CHST11: variants seen among roughly 807,000 people sequenced by gnomAD.
CHST11 encodes the protein carbohydrate sulfotransferase 11, also known as C4S-1.
A neutral mutation model predicts 30.4 loss-of-function variants in CHST11; 9 were observed. The observed-to-expected ratio is 0.30, with a 90% CI of 0.18 to 0.52. The LOEUF (loss-of-function observed/expected upper bound fraction) is 0.52. CHST11 is among the 20% of genes least tolerant of loss of function. The pLI is 0.97. For missense variants in CHST11, 348 were observed against 460.6 expected (o/e 0.76, Z 2.24); for synonymous variants, 152 against 187.8 (o/e 0.81, Z 1.56).
intron 1 of CHST11, among the ~76,000 whole-genome samples, chr12:104,570,747 G>A (rs1480161399): frequency 6.7e-6 from 1 of 150,264 alleles, no homozygotes; most frequent in Admixed American, 6.7e-5. Context: ...CTAGAGTGCA[G>A]TGGCGTGATC....
At chr12:104,632,266 C>T (rs1457231464) in intron 2 of CHST11, among the ~76,000 whole-genome samples, 13 of 151,866 alleles carry the variant, frequency 8.6e-5, no homozygotes, top group Non-Finnish European at 1.5e-4. Flanking sequence ...AAGAGCACAG[C>T]GCAAGCAGAG....
At chr12:104,686,428 TG>T (rs1457494260) in intron 2 of CHST11, among the ~76,000 whole-genome samples, 1 of 152,034 alleles carries the variant, frequency 6.6e-6, no homozygotes, top group Non-Finnish European at 1.5e-5. Context: ...ACTAGAAAGT[TG>T]GTTGATGATT....
At chr12:104,501,478 A>G (rs2037853508) in intron 1 of CHST11, among the ~76,000 whole-genome samples, 1 of 152,224 alleles carries the variant, frequency 6.6e-6, no homozygotes, top group Non-Finnish European at 1.5e-5. Context: ...AATGTGGCCT[A>G]GCATTTGGTG....
At chr12:104,488,723 ATGTGTGTATGTGTACGCG>A (rs1197516983) in intron 1 of CHST11, among the ~76,000 whole-genome samples, 5 of 128,954 alleles carry the variant, frequency 3.9e-5, no homozygotes, top group African/African-American at 1.5e-4. Context: ...GTGTGCGTGT[ATGTGTGTATGTGTACGCG>A]TGTGTGTGTG....
chr12:104,529,996 A>G (rs960853745), intron 1 of CHST11, among the ~76,000 whole-genome samples: 3 of 152,160 alleles, frequency 2.0e-5, no homozygotes, highest in African/African-American at 7.2e-5. Flanking sequence ...CATCTCTACT[A>G]AAAATACAAA....
chr12:104,493,897 C>T (rs1323450284), intron 1 of CHST11, among the ~76,000 whole-genome samples: 1 of 152,200 alleles, frequency 6.6e-6, no homozygotes, highest in Non-Finnish European at 1.5e-5. Context: ...CATCTTGGCT[C>T]ACTGCAGCCT....
chr12:104,475,261 A>G (rs1431372256), intron 1 of CHST11, among the ~76,000 whole-genome samples: 1 of 152,190 alleles, frequency 6.6e-6, no homozygotes. Context: ...AATAAGACTT[A>G]GTTCCTGCCT....
chr12:104,586,372 G>T (rs908419836), intron 1 of CHST11, among the ~76,000 whole-genome samples: 2 of 152,244 alleles, frequency 1.3e-5, no homozygotes, highest in Non-Finnish European at 2.9e-5. Flanking sequence ...TGGGCGAGAT[G>T]CCTGCCTGAG....
At chr12:104,615,868 C>T (rs1188288922) in intron 2 of CHST11, among the ~76,000 whole-genome samples, 1 of 152,198 alleles carries the variant, frequency 6.6e-6, no homozygotes. Context: ...GTGGAGGCTG[C>T]AGTGAGCCAA....
intron 2 of CHST11, among the ~76,000 whole-genome samples, chr12:104,609,309 G>C (rs908897946): frequency 1.1e-4 from 17 of 152,230 alleles, no homozygotes; most frequent in African/African-American, 4.1e-4. Flanking sequence ...CTGCCAGCCT[G>C]GCAGCTGGCT....
intron 1 of CHST11, among the ~76,000 whole-genome samples, chr12:104,501,872 G>A (rs2037856629): frequency 1.3e-5 from 2 of 152,210 alleles, no homozygotes; most frequent in Admixed American, 6.5e-5. Context: ...AGTCACTGTG[G>A]AAATTGTTAA....
chr12:104,473,699 T>C (rs1387997984), intron 1 of CHST11, among the ~76,000 whole-genome samples: 1 of 152,136 alleles, frequency 6.6e-6, no homozygotes, highest in African/African-American at 2.4e-5. Flanking sequence ...GGGGCTATTG[T>C]AGAGCTCATA....
At chr12:104,727,965 G>A (rs577715053) in intron 2 of CHST11, among the ~76,000 whole-genome samples, 9 of 142,244 alleles carry the variant, frequency 6.3e-5, no homozygotes, top group Admixed American at 4.9e-4. Flanking sequence ...GGATCCAGGC[G>A]TGGATCCAGG....
intron 2 of CHST11, among the ~76,000 whole-genome samples, chr12:104,743,669 A>G (rs1451028286): frequency 2.6e-5 from 4 of 152,166 alleles, no homozygotes; most frequent in Non-Finnish European, 5.9e-5. Context: ...ACATAGGTGA[A>G]CTTGGGTCAT....
intron 2 of CHST11, among the ~76,000 whole-genome samples, chr12:104,622,641 G>A (rs2039171242): frequency 6.6e-6 from 1 of 152,182 alleles, no homozygotes; most frequent in African/African-American, 2.4e-5. Flanking sequence ...CAAAGAGCAT[G>A]CCGGTTCAGA....
At chr12:104,557,646 A>G (rs377656023) in intron 1 of CHST11, among the ~76,000 whole-genome samples, 22 of 151,904 alleles carry the variant, frequency 1.4e-4, no homozygotes, top group Non-Finnish European at 3.2e-4. Flanking sequence ...GAGAGGAGGG[A>G]ACATTTGTTG....
At chr12:104,682,713 C>T (rs2039808638) in intron 2 of CHST11, among the ~76,000 whole-genome samples, 1 of 152,256 alleles carries the variant, frequency 6.6e-6, no homozygotes, top group African/African-American at 2.4e-5. Flanking sequence ...ATTAGGATTT[C>T]ACCTGTATGA....
At chr12:104,696,173 C>T (rs972761634) in intron 2 of CHST11, among the ~76,000 whole-genome samples, 1 of 152,128 alleles carries the variant, frequency 6.6e-6, no homozygotes, top group African/African-American at 2.4e-5. Context: ...GTTTGGCTCC[C>T]ACCCACCCTA....
intron 2 of CHST11, among the ~76,000 whole-genome samples, chr12:104,710,321 G>T (rs962751902): frequency 2.0e-5 from 3 of 152,242 alleles, no homozygotes; most frequent in Non-Finnish European, 4.4e-5. Context: ...TTGCACCGCT[G>T]GCGTGGTCTT....
Sources: allele counts gnomAD v4.1 joint callset (sites outside exome capture counted in the v4.1 genomes callset), GRCh38; gene constraint gnomAD v4.1.1; transcripts MANE v1.5; gene names NCBI Gene and HGNC (gene_info 2026-07-23, HGNC 2026-07-21).